DDX10: variants seen among roughly 807,000 people sequenced by gnomAD.
DDX10 encodes probable ATP-dependent RNA helicase DDX10.
Under a neutral mutation model 104.3 loss-of-function variants are expected in DDX10, and 74 were observed. That is an observed-to-expected ratio of 0.71 (90% CI 0.59 to 0.86). The LOEUF is 0.86. Ranked by LOEUF, DDX10 falls within the 40% of genes least tolerant of loss-of-function variation. The pLI is 0.00. For missense variants in DDX10, 952 were observed against 1,040.0 expected, an observed-to-expected ratio of 0.92 and a Z score of 1.16; for synonymous variants, 351 against 353.4, an observed-to-expected ratio of 0.99 and a Z score of 0.08.
intron 11 of DDX10, among the ~76,000 whole-genome samples, chr11:108,716,677 A>G (rs1404449017): frequency 6.6e-6 from 1 of 152,252 alleles, no homozygotes. Flanking sequence ...AATTATCTTT[A>G]GGAATGAGAT....
At chr11:108,864,425 A>T (rs559117423) in intron 16 of DDX10, among the ~76,000 whole-genome samples, 1 of 151,046 alleles carries the variant, frequency 6.6e-6, no homozygotes, top group East Asian at 1.9e-4. Context: ...AACTTTATAT[A>T]TATAGAATAG....
At chr11:108,751,266 A>G (rs2094338375) in intron 13 of DDX10, among the ~76,000 whole-genome samples, 1 of 152,130 alleles carries the variant, frequency 6.6e-6, no homozygotes, top group Non-Finnish European at 1.5e-5. Context: ...CAGGCCATGT[A>G]CTTTAACATA....
intron 13 of DDX10, among the ~76,000 whole-genome samples, chr11:108,758,242 A>G (rs2094346820): frequency 6.6e-6 from 1 of 152,050 alleles, no homozygotes; most frequent in African/African-American, 2.4e-5. Flanking sequence ...GTGGGTTTTC[A>G]GGGTGTTTGA....
intron 16 of DDX10, among the ~76,000 whole-genome samples, chr11:108,891,425 A>C (rs1248267785): frequency 1.3e-5 from 2 of 152,150 alleles, no homozygotes. Context: ...AAGTCTGTCT[A>C]TCCAGTTGAC....
chr11:108,829,989 A>C (rs931163090), intron 13 of DDX10, among the ~76,000 whole-genome samples: 12 of 152,092 alleles, frequency 7.9e-5, no homozygotes, highest in African/African-American at 2.9e-4. Flanking sequence ...TTGAAGTTGG[A>C]TAATGTGATG....
intron 17 of DDX10, among the ~76,000 whole-genome samples, chr11:108,925,422 T>C (rs1394138853): frequency 6.6e-6 from 1 of 152,198 alleles, no homozygotes; most frequent in East Asian, 1.9e-4. Flanking sequence ...GAAGGGTGAA[T>C]AGCTCAGGAT....
intron 16 of DDX10, among the ~76,000 whole-genome samples, chr11:108,899,218 T>C (rs755852056): frequency 6.6e-6 from 1 of 151,368 alleles, no homozygotes; most frequent in Non-Finnish European, 1.5e-5. Flanking sequence ...ACTATCTTTA[T>C]TGGGTTTTTT....
intron 1 of DDX10, among the ~76,000 whole-genome samples, chr11:108,673,223 G>T (rs2094219318): frequency 1.3e-5 from 2 of 152,108 alleles, no homozygotes; most frequent in Admixed American, 1.3e-4. Context: ...AGTATGTGTG[G>T]TGTGTGTGTA....
chr11:108,864,379 A>G (rs753496768), intron 16 of DDX10, among the ~76,000 whole-genome samples: 37 of 152,010 alleles, frequency 2.4e-4, no homozygotes, highest in Middle Eastern at 6.9e-3. Flanking sequence ...CTACTGCCCC[A>G]TTAAGAACCA....
At chr11:108,820,456 A>G (rs1862311321) in intron 13 of DDX10, among the ~76,000 whole-genome samples, 1 of 152,228 alleles carries the variant, frequency 6.6e-6, no homozygotes, top group East Asian at 1.9e-4. Context: ...TCTGCTAGAC[A>G]CAGCATAGAT....
chr11:108,855,013 G>A (rs952737433), intron 16 of DDX10, among the ~76,000 whole-genome samples: 2 of 152,180 alleles, frequency 1.3e-5, no homozygotes, highest in African/African-American at 2.4e-5. Flanking sequence ...AGATAAATAC[G>A]AAGCTGAAAC....
At chr11:108,911,684 C>G (rs948377516) in intron 16 of DDX10, among the ~76,000 whole-genome samples, 1 of 150,246 alleles carries the variant, frequency 6.7e-6, no homozygotes, top group Non-Finnish European at 1.5e-5. Context: ...TCTCCCACCT[C>G]AGCCTCCCAA....
At chr11:108,706,861 T>C (rs2094276906) in intron 10 of DDX10, 24 bp downstream of exon 10, 2 of 1,591,380 alleles carry the variant, frequency 1.3e-6, no homozygotes, top group Non-Finnish European at 1.7e-6. Flanking sequence ...GTTGTCTTTA[T>C]GTTTTTAGGA....
chr11:108,736,379 C>T (rs967237691), intron 13 of DDX10, among the ~76,000 whole-genome samples: 5 of 151,970 alleles, frequency 3.3e-5, no homozygotes, highest in South Asian at 2.1e-4. Context: ...TCACTGAATA[C>T]GTTTTGCAGT....
chr11:108,834,977 G>C (rs1862534181), intron 13 of DDX10, among the ~76,000 whole-genome samples: 1 of 133,208 alleles, frequency 7.5e-6, no homozygotes, highest in South Asian at 2.5e-4. Context: ...AAACAATTAA[G>C]ATGTAGTAGG....
chr11:108,782,435 G>A (rs528906232), intron 13 of DDX10, among the ~76,000 whole-genome samples: 4 of 152,032 alleles, frequency 2.6e-5, no homozygotes, highest in Middle Eastern at 3.4e-3. Context: ...TAGAGTCTGC[G>A]TTCTCATTTC....
At chr11:108,926,866 T>C (rs1863915506) in intron 17 of DDX10, among the ~76,000 whole-genome samples, 1 of 152,228 alleles carries the variant, frequency 6.6e-6, no homozygotes, top group South Asian at 2.1e-4. Flanking sequence ...CACAAGCTCA[T>C]GTATTAGGTT....
At chr11:108,885,512 C>T (rs1003621325) in intron 16 of DDX10, among the ~76,000 whole-genome samples, 2 of 152,002 alleles carry the variant, frequency 1.3e-5, no homozygotes, top group African/African-American at 4.8e-5. Context: ...TGCCCGCCAG[C>T]ACGCCTGGTT....
intron 13 of DDX10, among the ~76,000 whole-genome samples, chr11:108,772,084 G>A (rs903642506): frequency 3.3e-5 from 5 of 152,214 alleles, no homozygotes; most frequent in Non-Finnish European, 5.9e-5. Flanking sequence ...AACCTCACAA[G>A]TGTTTTTCCT....
Sources: allele counts gnomAD v4.1 joint callset (sites outside exome capture counted in the v4.1 genomes callset), GRCh38; gene constraint gnomAD v4.1.1; transcripts MANE v1.5; gene names NCBI Gene and HGNC (gene_info 2026-07-23, HGNC 2026-07-21).